CYP7B1: variants seen among roughly 807,000 people sequenced by gnomAD.
CYP7B1 encodes the protein cytochrome P450 7B1.
A neutral mutation model predicts 42.7 loss-of-function variants in CYP7B1; 29 were observed. The ratio of observed to expected loss-of-function variants is 0.68; its 90% CI spans 0.51 to 0.93. The LOEUF is 0.93. CYP7B1 is among the 40% of genes least tolerant of loss of function. The probability of loss-of-function intolerance (pLI) is 0.00; values close to 1 mark genes in which losing one functional copy is unlikely to be tolerated. For synonymous variants in CYP7B1, 235 were observed against 218.2 expected (o/e 1.08, Z -0.68); for missense variants, 655 against 600.5 (o/e 1.09, Z -0.95).
intron 1 of CYP7B1, among the ~76,000 whole-genome samples, chr8:64,675,408 T>A (rs1806431097): frequency 6.6e-6 from 1 of 151,292 alleles, no homozygotes; most frequent in East Asian, 1.9e-4. Context: ...GATGTGCTAT[T>A]TTTGTTTGGT....
chr8:64,684,167 T>C (rs1398190128), intron 1 of CYP7B1, among the ~76,000 whole-genome samples: 1 of 152,236 alleles, frequency 6.6e-6, no homozygotes, highest in Non-Finnish European at 1.5e-5. Context: ...AAATAATTGT[T>C]AAATGAATGC....
intron 1 of CYP7B1, among the ~76,000 whole-genome samples, chr8:64,701,592 T>C (rs1481045671): frequency 6.6e-6 from 1 of 152,106 alleles, no homozygotes; most frequent in Admixed American, 6.6e-5. Flanking sequence ...TGATTCTGCT[T>C]AAATGCCTGA....
At chr8:64,700,045 G>C (rs1806889778) in intron 1 of CYP7B1, among the ~76,000 whole-genome samples, 1 of 152,140 alleles carries the variant, frequency 6.6e-6, no homozygotes. Flanking sequence ...TAGGATAAGT[G>C]ACCTTGTGAG....
chr8:64,634,482 G>A (rs940204614), intron 1 of CYP7B1, among the ~76,000 whole-genome samples: 2 of 151,748 alleles, frequency 1.3e-5, no homozygotes, highest in African/African-American at 2.4e-5. Flanking sequence ...AGGAGACTGA[G>A]GCAGGAGAAT....
chr8:64,773,282 T>G (rs1342620267), intron 1 of CYP7B1, among the ~76,000 whole-genome samples: 1 of 152,240 alleles, frequency 6.6e-6, no homozygotes, highest in Non-Finnish European at 1.5e-5. Flanking sequence ...TTGTTTTTTC[T>G]GCTCATCAGC....
At chr8:64,606,256 T>C (rs1275492639) in intron 4 of CYP7B1, among the ~76,000 whole-genome samples, 1 of 152,174 alleles carries the variant, frequency 6.6e-6, no homozygotes, top group Non-Finnish European at 1.5e-5. Context: ...GAACATGGGC[T>C]CTACTGCAGA....
rs561087155 is a variant in CYP7B1 at position 64,705,455 on chromosome 8, C to T, written c.123-80916G>A. ...TCAATGAGTGAATGAATGGTATTCT[C>T]CAATTCAGATTAGTTATTTTATGAA... On this transcript the variant is annotated intron_variant, in intron 1 of 5. Transcript: ENST00000310193. 1.5e-4 allele frequency among the ~76,000 whole-genome samples: 23 copies of T among 151,720 alleles called. 1 individual carries two copies. The South Asian group carries it at 4.8e-3, about 32-fold the overall frequency.
chr8:64,678,036 T>C (rs991612115), intron 1 of CYP7B1, among the ~76,000 whole-genome samples: 17 of 152,136 alleles, frequency 1.1e-4, no homozygotes, highest in African/African-American at 4.1e-4. Flanking sequence ...TTGCAAACTC[T>C]TGCCTTATAC....
intron 4 of CYP7B1, among the ~76,000 whole-genome samples, chr8:64,614,416 T>C (rs1338848050): frequency 3.3e-5 from 5 of 152,150 alleles, no homozygotes; most frequent in African/African-American, 4.8e-5. Flanking sequence ...TTGTAGTTGT[T>C]GCTTTTCCTT....
intron 1 of CYP7B1, among the ~76,000 whole-genome samples, chr8:64,668,571 C>G (rs1015239784): frequency 4.6e-5 from 7 of 151,802 alleles, no homozygotes; most frequent in Non-Finnish European, 1.0e-4. Flanking sequence ...CTGGCATTTA[C>G]TTAGGAGATA....
chr8:64,729,992 CTA>C (rs1563407624), intron 1 of CYP7B1, among the ~76,000 whole-genome samples: 2 of 152,010 alleles, frequency 1.3e-5, no homozygotes, highest in Admixed American at 6.6e-5. Context: ...GCTATGTCTT[CTA>C]TATATGTTTG....
intron 1 of CYP7B1, among the ~76,000 whole-genome samples, chr8:64,735,354 A>G (rs933093910): frequency 2.0e-5 from 3 of 152,270 alleles, no homozygotes; most frequent in South Asian, 2.1e-4. Flanking sequence ...AGAAAAATTT[A>G]TATCTATAAA....
intron 1 of CYP7B1, among the ~76,000 whole-genome samples, chr8:64,753,922 T>A (rs530400125): frequency 6.6e-6 from 1 of 152,226 alleles, no homozygotes; most frequent in South Asian, 2.1e-4. Flanking sequence ...AAGAGGCCAG[T>A]GTGGTTGGTG....
At chr8:64,785,837 A>C (rs1439385295) in intron 1 of CYP7B1, among the ~76,000 whole-genome samples, 1 of 152,190 alleles carries the variant, frequency 6.6e-6, no homozygotes, top group South Asian at 2.1e-4. Flanking sequence ...TAATTTATAA[A>C]GAAAAGAGGT....
intron 1 of CYP7B1, among the ~76,000 whole-genome samples, chr8:64,669,192 G>T (rs780809930): frequency 6.6e-6 from 1 of 152,106 alleles, no homozygotes; most frequent in Non-Finnish European, 1.5e-5. Flanking sequence ...GATAATTCCA[G>T]GGCTGTTGAT....
chr8:64,605,566 G>A (rs1805266625), intron 4 of CYP7B1, among the ~76,000 whole-genome samples: 1 of 152,072 alleles, frequency 6.6e-6, no homozygotes, highest in African/African-American at 2.4e-5. Flanking sequence ...GCTAATTTCC[G>A]GCAATTTATC....
chr8:64,779,259 T>C (rs1380210916), intron 1 of CYP7B1, among the ~76,000 whole-genome samples: 1 of 152,102 alleles, frequency 6.6e-6, no homozygotes, highest in East Asian at 1.9e-4. Flanking sequence ...AGAAACATTA[T>C]TTAAATAAAA....
At chr8:64,612,754 G>A (rs1231264950) in intron 4 of CYP7B1, among the ~76,000 whole-genome samples, 1 of 151,992 alleles carries the variant, frequency 6.6e-6, no homozygotes, top group African/African-American at 2.4e-5. Flanking sequence ...AATGATAAAA[G>A]TTTAAACTTT....
intron 1 of CYP7B1, among the ~76,000 whole-genome samples, chr8:64,644,741 A>G (rs1439663484): frequency 6.6e-6 from 1 of 152,168 alleles, no homozygotes; most frequent in Non-Finnish European, 1.5e-5. Flanking sequence ...GTGCACATGT[A>G]GAGTAGATTT....
Sources: allele counts gnomAD v4.1 joint callset (sites outside exome capture counted in the v4.1 genomes callset), GRCh38; gene constraint gnomAD v4.1.1; transcripts MANE v1.5; gene names NCBI Gene and HGNC (gene_info 2026-07-23, HGNC 2026-07-21).